CHSY3: variants seen among roughly 807,000 people sequenced by gnomAD.
The protein encoded by CHSY3 is N-acetylgalactosaminyl-proteoglycan 3-beta-glucuronosyltransferase 3.
In CHSY3, 35 loss-of-function variants were observed where a neutral mutation model predicts 67.2. The observed-to-expected ratio is 0.52, with a 90% confidence interval of 0.40 to 0.69. CHSY3 has a LOEUF of 0.69. CHSY3 is among the 30% of genes least tolerant of loss of function. The pLI is 0.00. For missense variants in CHSY3, 1,069 were observed against 1,138.5 expected (o/e 0.94, Z 0.88); for synonymous variants, 474 against 434.7 (o/e 1.09, Z -1.12).
At chr5:130,028,606 T>C (rs78273494) in intron 2 of CHSY3, among the ~76,000 whole-genome samples, 1,920 of 152,218 alleles carry the variant, frequency 0.013, 40 homozygotes, top group African/African-American at 0.044. Context: ...TTAGCTGTAG[T>C]GAAAATGACA....
intron 2 of CHSY3, among the ~76,000 whole-genome samples, chr5:130,017,605 T>G (rs1397383343): frequency 6.6e-6 from 1 of 152,156 alleles, no homozygotes; most frequent in Non-Finnish European, 1.5e-5. Context: ...TTTAAAAAAA[T>G]CTCTTTTTGA....
At chr5:130,172,325 C>CTTTTTTT (rs148048268) in intron 2 of CHSY3, among the ~76,000 whole-genome samples, 1 of 30,206 alleles carries the variant, frequency 3.3e-5, no homozygotes, top group African/African-American at 5.6e-5. Flanking sequence ...CTTTTCTTTT[C>CTTTTTTT]TTTTTTTTTT....
chr5:129,905,907 C>T (rs1179972851), intron 1 of CHSY3: 2 of 639,102 alleles, frequency 3.1e-6, no homozygotes, highest in Non-Finnish European at 5.0e-6. Flanking sequence ...GTCCCTTAGT[C>T]TTTACCTCGT....
chr5:130,135,065 A>G (rs1338356603), intron 2 of CHSY3, among the ~76,000 whole-genome samples: 1 of 152,060 alleles, frequency 6.6e-6, no homozygotes, highest in Non-Finnish European at 1.5e-5. Flanking sequence ...TAGATATAGT[A>G]TAGATACAGA....
At chr5:129,912,819 T>C (rs1218681475) in intron 2 of CHSY3, among the ~76,000 whole-genome samples, 2 of 152,184 alleles carry the variant, frequency 1.3e-5, no homozygotes, top group Non-Finnish European at 2.9e-5. Flanking sequence ...CCTGTGATCA[T>C]TGGAGAGTCT....
chr5:129,968,342 C>A (rs1010692643), intron 2 of CHSY3, among the ~76,000 whole-genome samples: 2 of 151,826 alleles, frequency 1.3e-5, no homozygotes, highest in Non-Finnish European at 2.9e-5. Context: ...TCTCTTTTTA[C>A]AGATGAACAC....
At chr5:130,011,590 C>T (rs1030774833) in intron 2 of CHSY3, among the ~76,000 whole-genome samples, 3 of 152,084 alleles carry the variant, frequency 2.0e-5, no homozygotes, top group Non-Finnish European at 2.9e-5. Context: ...TCTGACCACT[C>T]CTATTCAACA....
At chr5:130,099,398 A>G (rs933832270) in intron 2 of CHSY3, among the ~76,000 whole-genome samples, 22 of 152,228 alleles carry the variant, frequency 1.4e-4, no homozygotes, top group Non-Finnish European at 3.1e-4. Flanking sequence ...TCCTTTTACT[A>G]GAGCTGGATA....
chr5:130,052,370 C>T (rs1332490910), intron 2 of CHSY3, among the ~76,000 whole-genome samples: 1 of 152,144 alleles, frequency 6.6e-6, no homozygotes, highest in Admixed American at 6.6e-5. Flanking sequence ...TGATCAGGTA[C>T]CTTCTCTCTC....
At chr5:130,183,838 C>T (rs1770324219) in intron 2 of CHSY3, among the ~76,000 whole-genome samples, 1 of 151,926 alleles carries the variant, frequency 6.6e-6, no homozygotes, top group Non-Finnish European at 1.5e-5. Flanking sequence ...CTATTGAATA[C>T]ATGATGACTA....
chr5:129,912,757 T>A (rs540624773), intron 2 of CHSY3, among the ~76,000 whole-genome samples: 35 of 152,320 alleles, frequency 2.3e-4, no homozygotes, highest in African/African-American at 7.9e-4. Context: ...CTGTTCAGAA[T>A]AAAGAGGCCT....
intron 2 of CHSY3, among the ~76,000 whole-genome samples, chr5:130,030,534 G>A (rs1297548402): frequency 6.6e-6 from 1 of 152,020 alleles, no homozygotes; most frequent in Non-Finnish European, 1.5e-5. Flanking sequence ...TCAAAAATAG[G>A]GAAATTTTAA....
intron 2 of CHSY3, among the ~76,000 whole-genome samples, chr5:129,916,207 T>C (rs1464123001): frequency 6.6e-6 from 1 of 152,238 alleles, no homozygotes; most frequent in Non-Finnish European, 1.5e-5. Context: ...AAGTTTGAGA[T>C]ATGCATATTC....
intron 2 of CHSY3, among the ~76,000 whole-genome samples, chr5:130,016,350 G>A (rs1039426398): frequency 1.3e-5 from 2 of 152,102 alleles, no homozygotes; most frequent in Admixed American, 6.5e-5. Context: ...AATATAACAG[G>A]GCTGATGATT....
chr5:130,129,806 A>G (rs1174758625), intron 2 of CHSY3, among the ~76,000 whole-genome samples: 1 of 152,114 alleles, frequency 6.6e-6, no homozygotes, highest in Non-Finnish European at 1.5e-5. Context: ...AAGATGGATG[A>G]AACCACATTG....
chr5:130,050,656 CAT>C (rs1765314605), intron 2 of CHSY3, among the ~76,000 whole-genome samples: 1 of 152,072 alleles, frequency 6.6e-6, no homozygotes, highest in African/African-American at 2.4e-5. Context: ...ACTGCAATCA[CAT>C]AGAGTTGGGT....
At chr5:130,069,946 A>G (rs1218886244) in intron 2 of CHSY3, among the ~76,000 whole-genome samples, 1 of 152,094 alleles carries the variant, frequency 6.6e-6, no homozygotes, top group African/African-American at 2.4e-5. Flanking sequence ...TTTCTACTGT[A>G]GCATTTGCAT....
At chr5:129,924,356 T>G (rs1403773658) in intron 2 of CHSY3, among the ~76,000 whole-genome samples, 1 of 152,082 alleles carries the variant, frequency 6.6e-6, no homozygotes, top group Non-Finnish European at 1.5e-5. Flanking sequence ...CTTTTAAAAT[T>G]AGAATTAACG....
At chr5:130,143,113 A>G (rs528358850) in intron 2 of CHSY3, among the ~76,000 whole-genome samples, 89 of 152,322 alleles carry the variant, frequency 5.8e-4, no homozygotes, top group African/African-American at 2.0e-3. Flanking sequence ...ATCCTTAATT[A>G]CAACAGACAA....
Sources: allele counts gnomAD v4.1 joint callset (sites outside exome capture counted in the v4.1 genomes callset), GRCh38; gene constraint gnomAD v4.1.1; transcripts MANE v1.5; gene names NCBI Gene and HGNC (gene_info 2026-07-23, HGNC 2026-07-21).